ECPAS: variants seen among roughly 807,000 people sequenced by gnomAD.
The protein encoded by ECPAS is Ecm29 proteasome adaptor and scaffold.
ECPAS carries 70 observed loss-of-function variants against 255.1 expected under a neutral mutation model. That is an observed-to-expected ratio of 0.27 (90% confidence interval 0.23 to 0.33). ECPAS has a LOEUF of 0.33. ECPAS is among the 10% of genes least tolerant of loss of function. ECPAS has a pLI of 1.00. For synonymous variants in ECPAS, 784 were observed against 775.0 expected, an observed-to-expected ratio of 1.01 and a Z score of -0.19; for missense variants, 1,817 against 2,206.4, an observed-to-expected ratio of 0.82 and a Z score of 3.54.
intron 1 of ECPAS, among the ~76,000 whole-genome samples, chr9:111,479,034 T>G (rs1013583296): frequency 6.6e-6 from 1 of 152,166 alleles, no homozygotes; most frequent in African/African-American, 2.4e-5. Context: ...AGGATGGCTG[T>G]GAGTGCATAC....
chr9:111,367,172 A>T (rs2098121359), intron 46 of ECPAS, among the ~76,000 whole-genome samples: 1 of 152,214 alleles, frequency 6.6e-6, no homozygotes, highest in Non-Finnish European at 1.5e-5. Flanking sequence ...CCAACTGATG[A>T]ATCAGCAGAA....
At position 111,414,570 on chromosome 9, in the gene ECPAS, G is replaced by C; in HGVS notation, c.1846C>G (p.His616Asp). Residue 616 changes from histidine to aspartate, a missense_variant, in exon 19 of 50, where the codon CAT (histidine) becomes GAT (aspartate). Physicochemically the swap from His to Asp is moderately conservative, Grantham distance 81. This residue lies in a region of ECPAS where 573 missense variants were observed against 716.2 expected (regional missense o/e 0.80). Transcript: ENST00000684092. ...TSQSLADMQDHAPAIGRYIRT... is the reference protein window; with the variant it reads ...TSQSLADMQDDAPAIGRYIRT... The stretch of plus-strand genomic sequence containing the variant: ...ATGTAGCGCCCAATGGCTGGGGCAT[G>C]ATCCTGCATATCAGCCAAACTCTGA... 1.2e-6 allele frequency: 2 copies of C among 1,613,998 alleles called. No homozygotes were observed. The highest frequency in any genetic ancestry group is 3.3e-5 in the Admixed American group (2 of 60,018).
chr9:111,388,203 T>A (rs926211263), intron 31 of ECPAS, among the ~76,000 whole-genome samples: 1 of 151,770 alleles, frequency 6.6e-6, no homozygotes, highest in Non-Finnish European at 1.5e-5. Flanking sequence ...AATAACAAAC[T>A]GATGTCTTCC....
intron 2 of ECPAS, among the ~76,000 whole-genome samples, chr9:111,456,953 T>C (rs1263045957): frequency 1.3e-5 from 2 of 152,142 alleles, no homozygotes; most frequent in African/African-American, 2.4e-5. Context: ...CAACAGCATT[T>C]AAATGCAGGA....
chr9:111,371,337 C>A (rs116543679), intron 43 of ECPAS, among the ~76,000 whole-genome samples: 5 of 152,114 alleles, frequency 3.3e-5, no homozygotes, highest in African/African-American at 4.8e-5. Context: ...TCAACAGGTA[C>A]AAAATGCTGA....
intron 1 of ECPAS, among the ~76,000 whole-genome samples, chr9:111,479,328 T>C (rs1037431039): frequency 6.6e-6 from 1 of 152,164 alleles, no homozygotes; most frequent in African/African-American, 2.4e-5. Flanking sequence ...CAGGGCACAG[T>C]GGCTCACACC....
chr9:111,450,363 T>C (rs938812223), intron 3 of ECPAS, among the ~76,000 whole-genome samples: 1 of 152,140 alleles, frequency 6.6e-6, no homozygotes, highest in Non-Finnish European at 1.5e-5. Flanking sequence ...ACATGCCAAA[T>C]ATATGACAAG....
chr9:111,431,014 G>T (rs904391424), intron 8 of ECPAS, among the ~76,000 whole-genome samples: 2 of 152,134 alleles, frequency 1.3e-5, no homozygotes, highest in Non-Finnish European at 2.9e-5. Context: ...GGATTCGTCT[G>T]TTTAACCATT....
chr9:111,385,884 T>C (rs1234232894), intron 32 of ECPAS, among the ~76,000 whole-genome samples: 1 of 152,248 alleles, frequency 6.6e-6, no homozygotes, highest in African/African-American at 2.4e-5. Flanking sequence ...AGGAAAATCA[T>C]TGACCAAAGC....
At chr9:111,393,531 T>G in intron 27 of ECPAS, 149 bp downstream of exon 27, 1 of 593,068 alleles carries the variant, frequency 1.7e-6, no homozygotes, top group Non-Finnish European at 3.0e-6. Flanking sequence ...ATTAACATAA[T>G]GCTTATCCTT....
chr9:111,426,469 AT>A (rs1365236109), intron 10 of ECPAS, among the ~76,000 whole-genome samples: 1 of 152,090 alleles, frequency 6.6e-6, no homozygotes, highest in Non-Finnish European at 1.5e-5. Context: ...AGTATTGAGT[AT>A]CTGCTTTATA....
Position 111,366,512 on chromosome 9 carries a change from A to C in ECPAS, c.5219+10T>G. 1.3e-6 allele frequency: 2 copies of C among 1,592,358 alleles called. No homozygotes were observed. The highest frequency in any genetic ancestry group is 1.7e-6 in the Non-Finnish European group (2 of 1,160,530). On this transcript the variant is annotated intron_variant, in intron 47 of 49. Coordinates refer to ENST00000684092, the MANE Select transcript of ECPAS (RefSeq NM_001364929.1). ...AACAAAATAAAAAACTGAGCCATGA[A>C]GCAATTTACCCCTGAAAAAAGGCAT...
chr9:111,407,428 A>AAAC lies in ECPAS; in HGVS notation c.2652+1142_2652+1143insGTT, dbSNP rs1554786298. On this transcript the variant is annotated intron_variant, in intron 24 of 49. Coordinates refer to ENST00000684092, the MANE Select transcript of ECPAS (RefSeq NM_001364929.1). ...GAAAAAAAAAAAAAAAAAAAAAAAA[A>AAAC]AAAAAAAAAACCTAGAAGAAACCCA... Among the ~76,000 whole-genome samples, 2 of 98,726 alleles carry AAAC rather than the reference A, an allele frequency of 2.0e-5. 1 individual carries two copies. The highest frequency in any genetic ancestry group is 5.2e-5 in the Non-Finnish European group (2 of 38,762). 64.8% of individuals were successfully genotyped at this position (98,726 alleles called of 152,430 possible).
intron 1 of ECPAS, among the ~76,000 whole-genome samples, chr9:111,475,274 G>T (rs915100308): frequency 2.6e-5 from 4 of 152,176 alleles, no homozygotes; most frequent in Non-Finnish European, 5.9e-5. Flanking sequence ...TCAAGGCCAG[G>T]TCTGAAACGA....
At position 111,361,987 on chromosome 9, in the gene ECPAS, C is replaced by A; in HGVS notation, c.*43G>T. On this transcript the variant is annotated 3_prime_UTR_variant, in exon 50 of 50. Coordinates refer to ENST00000684092, the MANE Select transcript of ECPAS (RefSeq NM_001364929.1). ...TTTTCAAAGAACACCACCACTTCAACCCCCAATGAACATGGCACTTGTTTG... is the reference window on the plus strand; with the variant it reads ...TTTTCAAAGAACACCACCACTTCAAACCCCAATGAACATGGCACTTGTTTG... 6.3e-7 allele frequency: 1 copy of A among 1,597,582 alleles called. No individual in the cohort carries two copies. Among genetic ancestry groups the A allele is most frequent in the Non-Finnish European group, 8.5e-7 (1 of 1,171,196 alleles).
chr9:111,484,371 G>A lies in ECPAS; in HGVS notation c.-338C>T. Reference sequence around the variant, plus strand: ...GGGGAAACACGCCTGTCCAAAGGAAGAGACGTGGACTCAGAAAAGTAGAGC... The same window carrying A: ...GGGGAAACACGCCTGTCCAAAGGAAAAGACGTGGACTCAGAAAAGTAGAGC... On this transcript the variant is annotated 5_prime_UTR_variant, in exon 1 of 50. Transcript: ENST00000684092. The A allele has an allele frequency of 6.2e-7, 1 of 1,611,688 alleles. No individual in the cohort carries two copies. Among genetic ancestry groups the A allele is most frequent in the African/African-American group, 1.3e-5 (1 of 75,016 alleles).
At chr9:111,445,837 C>A (rs1263499457) in intron 3 of ECPAS, among the ~76,000 whole-genome samples, 1 of 152,150 alleles carries the variant, frequency 6.6e-6, no homozygotes, top group Non-Finnish European at 1.5e-5. Context: ...GGCCCCACCC[C>A]CCACAACAGG....
At chr9:111,385,533 C>T (rs1410548016) in intron 32 of ECPAS, 91 bp from the exon 33 acceptor site, 8 of 782,052 alleles carry the variant, frequency 1.0e-5, no homozygotes, top group African/African-American at 1.8e-5. Flanking sequence ...CAGATTCTGC[C>T]TCTAATTCGA....
In ECPAS at chr9:111,450,939, G is replaced by A. The variant is rs1400306324; in HGVS notation, c.153+486C>T. Among the ~76,000 whole-genome samples, 6 of 152,218 alleles carry A rather than the reference G, an allele frequency of 3.9e-5. No homozygotes were observed. In the East Asian group the frequency reaches 1.2e-3, roughly 29 times the overall value. On this transcript the variant is annotated intron_variant, in intron 3 of 49. Transcript: ENST00000684092. ...GACCCTATCTCAAAAAACAAAAAAA[G>A]AAAGAAAATGAAAATCTGATGTGAC...
Sources: allele counts gnomAD v4.1 joint callset (sites outside exome capture counted in the v4.1 genomes callset), GRCh38; gene constraint gnomAD v4.1.1; regional missense constraint gnomAD v4.1.1; transcripts MANE v1.5; gene names NCBI Gene and HGNC (gene_info 2026-07-23, HGNC 2026-07-21).